Variants in CRACD observed in about 807,000 individuals in gnomAD.
CRACD encodes capping protein inhibiting regulator of actin dynamics.
In CRACD, 56 loss-of-function variants were observed where a neutral mutation model predicts 106.8. The ratio of observed to expected loss-of-function variants is 0.52; its 90% CI spans 0.42 to 0.66. The LOEUF is 0.66. Among genes scored for constraint, CRACD ranks in the 30% least tolerant of loss-of-function variants. The pLI is 0.00. For missense variants in CRACD, 1,730 were observed against 1,623.2 expected, an observed-to-expected ratio of 1.07 and a Z score of -1.13; for synonymous variants, 754 against 670.8, an observed-to-expected ratio of 1.12 and a Z score of -1.92.
At chr4:56,125,775 T>TG (rs1203648041) in intron 1 of CRACD, among the ~76,000 whole-genome samples, 2 of 142,152 alleles carry the variant, frequency 1.4e-5, no homozygotes, top group African/African-American at 5.2e-5. Flanking sequence ...TTTTTTTTTT[T>TG]TTTTTTTTTT....
At chr4:56,051,166 A>G (rs575198552) in intron 1 of CRACD, among the ~76,000 whole-genome samples, 148 of 152,348 alleles carry the variant, frequency 9.7e-4, no homozygotes, top group African/African-American at 3.4e-3. Flanking sequence ...CTGATCTGGC[A>G]CACAGTAGGT....
chr4:56,318,605 TC>T (rs2109785941), intron 8 of CRACD, among the ~76,000 whole-genome samples: 1 of 152,340 alleles, frequency 6.6e-6, no homozygotes, highest in East Asian at 1.9e-4. Context: ...CTGTTTTCTT[TC>T]CCAGTGGAGC....
chr4:56,129,358 C>T (rs1248087266), intron 1 of CRACD, among the ~76,000 whole-genome samples: 1 of 152,226 alleles, frequency 6.6e-6, no homozygotes, highest in African/African-American at 2.4e-5. Context: ...ATGAGCCCCA[C>T]ACCGGCCAAA....
intron 2 of CRACD, among the ~76,000 whole-genome samples, chr4:56,181,608 A>G (rs184149874): frequency 6.6e-6 from 1 of 152,200 alleles, no homozygotes; most frequent in Non-Finnish European, 1.5e-5. Context: ...TCTGTAGGCT[A>G]GAAGTCCAAA....
At chr4:56,198,371 CAGTGA>C (rs1188092116) in intron 2 of CRACD, among the ~76,000 whole-genome samples, 1 of 152,168 alleles carries the variant, frequency 6.6e-6, no homozygotes, top group African/African-American at 2.4e-5. Flanking sequence ...TAGCATTCAT[CAGTGA>C]AGAAGCAGAC....
chr4:56,169,608 C>T (rs962630437), intron 1 of CRACD, among the ~76,000 whole-genome samples: 2 of 152,094 alleles, frequency 1.3e-5, no homozygotes, highest in Non-Finnish European at 2.9e-5. Context: ...GCAATCTTCC[C>T]ACCGCAGCCT....
chr4:56,166,945 G>A (rs898020817), intron 1 of CRACD, among the ~76,000 whole-genome samples: 25 of 151,882 alleles, frequency 1.6e-4, no homozygotes, highest in African/African-American at 6.0e-4. Context: ...AATAAGTATG[G>A]GACAGTGCTC....
At chr4:56,162,455 C>A (rs1187078199) in intron 1 of CRACD, among the ~76,000 whole-genome samples, 1 of 152,178 alleles carries the variant, frequency 6.6e-6, no homozygotes, top group Non-Finnish European at 1.5e-5. Flanking sequence ...GATCCTCCCA[C>A]CTTGGCCTGC....
chr4:56,310,240 T>C (rs1040577146), intron 5 of CRACD, among the ~76,000 whole-genome samples: 1 of 152,048 alleles, frequency 6.6e-6, no homozygotes, highest in African/African-American at 2.4e-5. Flanking sequence ...CCTTCTTTCT[T>C]CTCACTCATT....
intron 2 of CRACD, among the ~76,000 whole-genome samples, chr4:56,227,689 G>A (rs1739378191): frequency 6.6e-6 from 1 of 152,074 alleles, no homozygotes; most frequent in Admixed American, 6.6e-5. Context: ...TAAACAAATG[G>A]GTATTCCAAC....
chr4:56,184,557 CT>C (rs756653718), intron 2 of CRACD, among the ~76,000 whole-genome samples: 62 of 152,324 alleles, frequency 4.1e-4, no homozygotes, highest in Admixed American at 1.3e-3. Context: ...CCTCGATTGC[CT>C]TTTGGTTATC....
At chr4:56,127,815 A>G (rs912592715) in intron 1 of CRACD, among the ~76,000 whole-genome samples, 52 of 152,168 alleles carry the variant, frequency 3.4e-4, no homozygotes, top group Admixed American at 3.0e-3. Flanking sequence ...CCTGTTATTC[A>G]GCACACCATT....
intron 1 of CRACD, among the ~76,000 whole-genome samples, chr4:56,175,709 T>G (rs567595602): frequency 6.6e-6 from 1 of 152,344 alleles, no homozygotes; most frequent in Non-Finnish European, 1.5e-5. Context: ...GATGGATAGT[T>G]TGCAAATGTT....
chr4:56,109,133 G>C (rs1431107580), intron 1 of CRACD, among the ~76,000 whole-genome samples: 1 of 152,150 alleles, frequency 6.6e-6, no homozygotes, highest in Non-Finnish European at 1.5e-5. Context: ...CCCTTATGCG[G>C]GCGTGACAGA....
intron 1 of CRACD, among the ~76,000 whole-genome samples, chr4:56,098,532 A>T (rs1377982047): frequency 6.6e-6 from 1 of 152,194 alleles, no homozygotes. Context: ...CTGTAAGAGT[A>T]ATTTTAGTTG....
chr4:56,297,747 GTCCTCT>G (rs1436071389), intron 3 of CRACD: 1 of 153,180 alleles, frequency 6.5e-6, no homozygotes, highest in Non-Finnish European at 1.5e-5. Flanking sequence ...CAATTCTCTA[GTCCTCT>G]TCCAAAGTCT....
chr4:56,183,235 A>AAAAAT (rs201101283), intron 2 of CRACD, among the ~76,000 whole-genome samples: 11,409 of 124,344 alleles, frequency 0.092, 705 homozygotes, highest in Non-Finnish European at 0.1. Context: ...CTCCGTCTCA[A>AAAAAT]AAAATAAAAT....
At chr4:56,324,322 C>A in intron 10 of CRACD, 56 bp downstream of exon 10, 6 of 1,534,568 alleles carry the variant, frequency 3.9e-6, no homozygotes, top group Non-Finnish European at 4.4e-6. Context: ...CTTTGTAGAG[C>A]GTGCTTTATA....
intron 1 of CRACD, among the ~76,000 whole-genome samples, chr4:56,077,732 G>C (rs2109804992): frequency 6.6e-6 from 1 of 152,236 alleles, no homozygotes; most frequent in African/African-American, 2.4e-5. Flanking sequence ...CAGGCCTTGG[G>C]GATATAAAGG....
Sources: allele counts gnomAD v4.1 joint callset (sites outside exome capture counted in the v4.1 genomes callset), GRCh38; gene constraint gnomAD v4.1.1; transcripts MANE v1.5; gene names NCBI Gene and HGNC (gene_info 2026-07-23, HGNC 2026-07-21).